The following APBA1 variants were observed in gnomAD, a reference collection of about 807,000 sequenced individuals.
The protein encoded by APBA1 is amyloid beta precursor protein binding family A member 1, also known as amyloid-beta A4 precursor protein-binding family A member 1.
APBA1 carries 55 observed loss-of-function variants against 86.6 expected under a neutral mutation model. The ratio of observed to expected loss-of-function variants is 0.64; its 90% CI spans 0.51 to 0.80. The LOEUF is 0.80. Ranked by LOEUF, APBA1 falls within the 30% of genes least tolerant of loss-of-function variation. APBA1 has a pLI of 0.00. For synonymous variants in APBA1, 511 were observed against 493.9 expected (o/e 1.03, Z -0.46); for missense variants, 1,090 against 1,183.0 (o/e 0.92, Z 1.15).
intron 2 of APBA1, among the ~76,000 whole-genome samples, chr9:69,484,251 T>C (rs573865220): frequency 2.6e-5 from 4 of 152,204 alleles, no homozygotes; most frequent in Non-Finnish European, 4.4e-5. Flanking sequence ...CCTGATGATC[T>C]TAGGATGATG....
At chr9:69,583,016 G>A (rs1821945006) in intron 1 of APBA1, among the ~76,000 whole-genome samples, 2 of 152,154 alleles carry the variant, frequency 1.3e-5, no homozygotes, top group Non-Finnish European at 2.9e-5. Context: ...CTGAATGTGT[G>A]TTCTGAGCTA....
At position 69,624,242 on chromosome 9, in the gene APBA1, CAT is replaced by C. The variant is rs1448756306; in HGVS notation, c.-70+47909_-70+47910del. ...AGGCAGCCACACTGCATAAGACCAA[CAT>C]AAGGATGGGCAGAAATATGCCTAAG... On this transcript the variant is annotated intron_variant, in intron 1 of 12. Coordinates refer to ENST00000265381, the MANE Select transcript of APBA1 (RefSeq NM_001163.4). 2.0e-5 allele frequency among the ~76,000 whole-genome samples: 3 copies of C among 152,280 alleles called. No homozygotes were observed. In the East Asian group the frequency reaches 5.8e-4, roughly 29 times the overall value.
At chr9:69,486,248 G>A (rs1025651429) in intron 2 of APBA1, among the ~76,000 whole-genome samples, 19 of 152,120 alleles carry the variant, frequency 1.2e-4, no homozygotes, top group African/African-American at 3.9e-4. Context: ...CACTGCCCCC[G>A]GCCTCATTTT....
intron 1 of APBA1, among the ~76,000 whole-genome samples, chr9:69,641,327 G>A (rs1823283185): frequency 6.6e-6 from 1 of 152,104 alleles, no homozygotes; most frequent in African/African-American, 2.4e-5. Flanking sequence ...CATCAATTAT[G>A]CCCCAAATGA....
At chr9:69,594,728 T>A (rs6559648) in intron 1 of APBA1, among the ~76,000 whole-genome samples, 4,673 of 152,040 alleles carry the variant, frequency 0.031, 114 homozygotes, top group African/African-American at 0.065. Flanking sequence ...GCCCAAAGAG[T>A]TCTGAACTAC....
chr9:69,599,974 T>C (rs964671976), intron 1 of APBA1, among the ~76,000 whole-genome samples: 9 of 152,188 alleles, frequency 5.9e-5, no homozygotes, highest in African/African-American at 2.2e-4. Context: ...TCTGCAAATA[T>C]CTGATCTGAA....
chr9:69,512,300 A>G (rs566372453), intron 2 of APBA1, among the ~76,000 whole-genome samples: 6 of 152,216 alleles, frequency 3.9e-5, no homozygotes, highest in African/African-American at 1.4e-4. Context: ...ACTCTTATGG[A>G]TTAGCAATCC....
intron 5 of APBA1, among the ~76,000 whole-genome samples, chr9:69,459,966 A>G (rs1450469375): frequency 6.6e-6 from 1 of 152,240 alleles, no homozygotes; most frequent in Non-Finnish European, 1.5e-5. Flanking sequence ...TGTACAAATA[A>G]TGGCAAGTCA....
At chr9:69,517,379 T>C (rs1836185313) in intron 1 of APBA1, 100 bp from the exon 2 acceptor site, 2 of 1,174,214 alleles carry the variant, frequency 1.7e-6, no homozygotes, top group Non-Finnish European at 2.2e-6. Context: ...TGATTCCTTT[T>C]AGTTCTGGGT....
chr9:69,463,499 T>A (rs1203962307), intron 5 of APBA1: 1 of 152,174 alleles, frequency 6.6e-6, no homozygotes, highest in African/African-American at 2.4e-5. Context: ...CAATAAGCAA[T>A]GTTCAATTTT....
At chr9:69,545,428 T>G (rs188698164) in intron 1 of APBA1, among the ~76,000 whole-genome samples, 33 of 152,336 alleles carry the variant, frequency 2.2e-4, no homozygotes, top group Admixed American at 1.8e-3. Context: ...TTGTCCCCAT[T>G]TTCTTTCCTC....
At chr9:69,616,773 T>C (rs950772555) in intron 1 of APBA1, among the ~76,000 whole-genome samples, 10 of 152,184 alleles carry the variant, frequency 6.6e-5, no homozygotes, top group African/African-American at 2.2e-4. Flanking sequence ...GACAGGTCCA[T>C]TGCAGCACTG....
chr9:69,452,104 C>CT lies in APBA1; in HGVS notation c.1968+17dup, dbSNP rs767408105. ...CCAGCTGACCCAGCCTGGAGAACAG[C>CT]TTCAGGTAAGTACCCACATCTTTAC... On this transcript the variant is annotated intron_variant, in intron 9 of 12. Transcript: ENST00000265381. 3 of 1,610,972 alleles carry CT rather than the reference C, an allele frequency of 1.9e-6. No homozygotes were observed. The highest frequency in any genetic ancestry group is 2.5e-6 in the Non-Finnish European group (3 of 1,178,062).
intron 1 of APBA1, among the ~76,000 whole-genome samples, chr9:69,631,221 C>A (rs1420816565): frequency 6.6e-6 from 1 of 152,132 alleles, no homozygotes; most frequent in Non-Finnish European, 1.5e-5. Context: ...AAAAATCAAA[C>A]AACCCCATCA....
At chr9:69,640,209 G>A (rs12006203) in intron 1 of APBA1, among the ~76,000 whole-genome samples, 50 of 152,042 alleles carry the variant, frequency 3.3e-4, no homozygotes, top group African/African-American at 1.2e-3. Context: ...CACATTATAT[G>A]TGCATATTTA....
intron 1 of APBA1, among the ~76,000 whole-genome samples, chr9:69,540,122 G>GCAACAACAACAACAA (rs56405500): frequency 0.051 from 7,617 of 148,482 alleles, 246 homozygotes; most frequent in East Asian, 0.085. Context: ...CTCCATCTCG[G>GCAACAACAACAACAA]CAACAACAAC....
chr9:69,469,390 T>C (rs1221217440), intron 4 of APBA1, among the ~76,000 whole-genome samples: 4 of 152,266 alleles, frequency 2.6e-5, no homozygotes, highest in Non-Finnish European at 5.9e-5. Context: ...AGAGTAAAGA[T>C]GTAAAATAAT....
chr9:69,649,795 ACT>A (rs1823462296), intron 1 of APBA1, among the ~76,000 whole-genome samples: 1 of 152,034 alleles, frequency 6.6e-6, no homozygotes, highest in Non-Finnish European at 1.5e-5. Context: ...TGGAGGAATA[ACT>A]CATCTCTCCC....
chr9:69,516,385 C>T lies in APBA1; in HGVS notation c.826G>A (p.Glu276Lys). The stretch of plus-strand genomic sequence containing the variant: ...TGCGAGCTCATGCTCTGCTTCACCT[C>T]GGCCACTATCTGGTCGATGTCCTCC... The part of the protein sequence containing the change: ...QEEDIDQIVA[E>K]VKQSMSSQSL... Residue 276 changes from glutamate to lysine, a missense_variant, in exon 2 of 13, where the codon GAG becomes AAG. This residue lies in a region of APBA1 where 678 missense variants were observed against 647.1 expected (regional missense o/e 1.05). Coordinates refer to ENST00000265381, the MANE Select transcript of APBA1 (RefSeq NM_001163.4). The surrounding 1 kb of genome is among the most constrained non-coding windows in gnomAD (Gnocchi z 7.3). The T allele has an allele frequency of 1.2e-6, 2 of 1,603,266 alleles. No individual in the cohort carries two copies. The highest frequency in any genetic ancestry group is 1.7e-6 in the Non-Finnish European group (2 of 1,178,608).
Sources: gnomAD v4.1 joint callset for allele counts (sites outside exome capture counted in the v4.1 genomes callset) on GRCh38, gnomAD v4.1.1 for gene constraint, gnomAD v4.1.1 regional missense constraint, Gnocchi (gnomAD v3.1) non-coding constraint, MANE v1.5 for transcripts, NCBI Gene and HGNC (gene_info 2026-07-23, HGNC 2026-07-21) for gene names.